Variants in ICE2 observed in about 807,000 individuals in gnomAD.
The protein encoded by ICE2 is little elongation complex subunit 2.
Under a neutral mutation model 105.4 loss-of-function variants are expected in ICE2, and 87 were observed. That is an observed-to-expected ratio of 0.83 (90% CI 0.69 to 0.99). The LOEUF is 0.99. Among genes scored for constraint, ICE2 ranks in the 50% least tolerant of loss-of-function variants. The pLI, the probability that ICE2 is intolerant of heterozygous loss-of-function variation, is 0.00. For missense variants in ICE2, 1,323 were observed against 1,146.7 expected (o/e 1.15, Z -2.22); for synonymous variants, 399 against 392.0 (o/e 1.02, Z -0.21).
intron 11 of ICE2, among the ~76,000 whole-genome samples, chr15:60,446,522 C>T (rs373415575): frequency 1.3e-5 from 2 of 152,094 alleles, no homozygotes; most frequent in Non-Finnish European, 2.9e-5. Context: ...CAGCCTCCCA[C>T]GTAGCTGGGA....
In ICE2 at chr15:60,449,570, T is replaced by C; in HGVS notation, c.1397A>G (p.Lys466Arg). Residue 466 changes from lysine to arginine, a missense_variant, in exon 10 of 16, where the codon AAG becomes AGG. Transcript: ENST00000261520. Reference sequence around the variant, plus strand: ...CATACCAGTGACCAGCTGTTTCTCCTTTTGCAATTGTTCCATCAGAATCTG... The same window carrying C: ...CATACCAGTGACCAGCTGTTTCTCCCTTTGCAATTGTTCCATCAGAATCTG... Reference protein sequence around the residue: ...LSQILMEQLQKEKQLVTGMDG... With the variant: ...LSQILMEQLQREKQLVTGMDG... 3 of 1,614,198 alleles carry C rather than the reference T, an allele frequency of 1.9e-6. No homozygotes were observed. Among genetic ancestry groups the C allele is most frequent in the Non-Finnish European group, 2.5e-6 (3 of 1,180,020 alleles).
At chr15:60,461,948 T>C (rs1285499649) in intron 5 of ICE2, among the ~76,000 whole-genome samples, 1 of 152,186 alleles carries the variant, frequency 6.6e-6, no homozygotes, top group Non-Finnish European at 1.5e-5. Flanking sequence ...TAATACTATT[T>C]GAGGCTTACA....
chr15:60,474,931 G>A (rs1267871963), intron 3 of ICE2, among the ~76,000 whole-genome samples: 1 of 151,968 alleles, frequency 6.6e-6, no homozygotes, highest in African/African-American at 2.4e-5. Flanking sequence ...GATCAACCGG[G>A]GCAACACAGC....
At chr15:60,427,786 T>C (rs1414524578) in intron 15 of ICE2, among the ~76,000 whole-genome samples, 14 of 152,232 alleles carry the variant, frequency 9.2e-5, no homozygotes, top group Non-Finnish European at 1.3e-4. Context: ...ATGAGTGACA[T>C]AGCAGAGAAT....
rs3809553 is a variant in ICE2, at chr15:60,449,808, C to G, written c.1159G>C (p.Glu387Gln). 36 of 1,613,334 alleles carry G rather than the reference C, an allele frequency of 2.2e-5. No homozygotes were observed. In the East Asian group the frequency reaches 8.0e-4, roughly 36 times the overall value. The change falls in exon 10 of 16, where the codon GAG becomes CAG. Residue 387 changes from glutamate (E) to glutamine (Q), a missense_variant. Transcript: ENST00000261520. The part of the protein sequence containing the change: ...SCEVNECRKI[E>Q]SLENLYLDFD... ...TCCAAATACAAGTTTTCAAGACTCT[C>G]AATTTTTCGGCACTCGTTGACTTCA... is the stretch of plus-strand genomic sequence containing the variant.
Position 60,476,047 on chromosome 15 carries a change from C to T in ICE2, c.146+16G>A. The T allele has an allele frequency of 6.7e-7, 1 of 1,489,020 alleles. No homozygotes were observed. The highest frequency in any genetic ancestry group is 9.1e-7 in the Non-Finnish European group (1 of 1,095,972). The allele number at this position is 1,489,020 out of a possible 1,614,324, so 92.2% of individuals were successfully genotyped here. A position where few individuals can be genotyped will look rare whatever the true frequency, so the allele number is the denominator to read the frequency against. ...ACCATCAAATATGGAAATAAATAAC[C>T]AAATAAACATATTACCTGTTGGATA... On this transcript the variant is annotated intron_variant, in intron 3 of 15. Coordinates refer to ENST00000261520, the MANE Select transcript of ICE2 (RefSeq NM_024611.6).
intron 4 of ICE2, among the ~76,000 whole-genome samples, chr15:60,467,360 A>G (rs933402561): frequency 1.3e-5 from 2 of 152,282 alleles, no homozygotes; most frequent in Non-Finnish European, 2.9e-5. Flanking sequence ...GCTTATACAC[A>G]TATGGAAAAT....
chr15:60,477,594 A>G (rs2064800833), intron 2 of ICE2, among the ~76,000 whole-genome samples: 4 of 152,228 alleles, frequency 2.6e-5, no homozygotes, highest in African/African-American at 9.6e-5. Flanking sequence ...ATTCTTAAAG[A>G]GGGTCTTTTT....
chr15:60,471,272 A>T (rs2064586671), intron 3 of ICE2, among the ~76,000 whole-genome samples: 1 of 152,228 alleles, frequency 6.6e-6, no homozygotes, highest in Non-Finnish European at 1.5e-5. Context: ...AAAGTTTCTC[A>T]AATAATTGTA....
At chr15:60,446,389 T>C (rs565967494) in intron 11 of ICE2, among the ~76,000 whole-genome samples, 1 of 152,096 alleles carries the variant, frequency 6.6e-6, no homozygotes, top group Non-Finnish European at 1.5e-5. Flanking sequence ...TGTGGAAAAG[T>C]TGGCACTTTT....
intron 3 of ICE2, 78 bp from the exon 4 acceptor site, chr15:60,468,400 CA>C: frequency 8.9e-7 from 1 of 1,121,890 alleles, no homozygotes; most frequent in Non-Finnish European, 1.3e-6. Context: ...GATTCTCAAT[CA>C]CCAGGGAGAA....
At chr15:60,462,001 C>T (rs918267972) in intron 5 of ICE2, among the ~76,000 whole-genome samples, 2 of 152,070 alleles carry the variant, frequency 1.3e-5, no homozygotes, top group African/African-American at 4.8e-5. Context: ...ATATATTTAA[C>T]TCCATGATTT....
intron 3 of ICE2, among the ~76,000 whole-genome samples, chr15:60,469,604 T>C (rs1428142177): frequency 1.3e-5 from 2 of 152,238 alleles, no homozygotes; most frequent in African/African-American, 4.8e-5. Context: ...GTCACCTTTG[T>C]TATTCATCTT....
chr15:60,443,942 A>G (rs1424988778), intron 11 of ICE2, among the ~76,000 whole-genome samples: 1 of 152,146 alleles, frequency 6.6e-6, no homozygotes, highest in East Asian at 1.9e-4. Flanking sequence ...AAAAATTAAA[A>G]AAAAAAAAAA....
intron 5 of ICE2, 32 bp from the exon 6 acceptor site, chr15:60,456,826 G>C (rs1455711458): frequency 7.3e-6 from 10 of 1,378,018 alleles, no homozygotes; most frequent in Non-Finnish European, 8.7e-6. Flanking sequence ...AAATTCATTT[G>C]TATTTCTCTA....
intron 1 of ICE2, chr15:60,478,737 C>A (rs1039268584): frequency 5.8e-6 from 2 of 347,356 alleles, no homozygotes; most frequent in African/African-American, 2.2e-5. Flanking sequence ...TCTCACACTT[C>A]GACCCAGTGT....
At position 60,454,060 on chromosome 15, in the gene ICE2, TCA is replaced by T. The variant is rs1282841960; in HGVS notation, c.944-278_944-277del. On this transcript the variant is annotated intron_variant, in intron 8 of 15. Transcript: ENST00000261520. ...ATTATATTCTTACTGTCATTATTAC[TCA>T]GTTTCTTATAGGAACTTGCAAAAAG... 3.3e-5 allele frequency among the ~76,000 whole-genome samples: 5 copies of T among 152,326 alleles called. No homozygotes were observed. The East Asian group carries it at 9.6e-4, about 29-fold the overall frequency.
intron 6 of ICE2, among the ~76,000 whole-genome samples, chr15:60,455,953 A>G (rs2064098399): frequency 2.0e-5 from 3 of 152,072 alleles, no homozygotes; most frequent in African/African-American, 7.2e-5. Context: ...TTTAAAGTCT[A>G]TCCTCTCCTT....
chr15:60,453,651 G>C lies in ICE2; in HGVS notation c.1077C>G (p.Val359=), dbSNP rs761136689. The change falls in exon 9 of 16, where the codon GTC becomes GTG. Residue 359 remains valine, a synonymous_variant. Coordinates refer to ENST00000261520, the MANE Select transcript of ICE2 (RefSeq NM_024611.6). ...CAGGTTTGTCCATAAAGACTGCAGA[G>C]ACTGGAACAGATGTGTTTTTGGACA... is the stretch of plus-strand genomic sequence containing the variant. ...FMMSKNTSVP[V]SAVFMDKPEE... 27 of 1,613,446 alleles carry C rather than the reference G, an allele frequency of 1.7e-5. No individual in the cohort carries two copies. Among genetic ancestry groups the C allele is most frequent in the Non-Finnish European group, 2.3e-5 (27 of 1,179,614 alleles).
Sources: allele counts gnomAD v4.1 joint callset (sites outside exome capture counted in the v4.1 genomes callset), GRCh38; gene constraint gnomAD v4.1.1; transcripts MANE v1.5; gene names NCBI Gene and HGNC (gene_info 2026-07-23, HGNC 2026-07-21).